Variants in TTC39B observed in about 807,000 individuals in gnomAD.
The protein encoded by TTC39B is tetratricopeptide repeat domain 39B, also known as tetratricopeptide repeat protein 39B.
A neutral mutation model predicts 96.6 loss-of-function variants in TTC39B; 92 were observed. That is an observed-to-expected ratio of 0.95 (90% CI 0.80 to 1.13). The LOEUF (loss-of-function observed/expected upper bound fraction) is 1.13. Among genes scored for constraint, TTC39B ranks in the 50% most tolerant of loss-of-function variants. TTC39B has a pLI of 0.00. For missense variants in TTC39B, 955 were observed against 809.3 expected (o/e 1.18, Z -2.18); for synonymous variants, 367 against 299.4 (o/e 1.23, Z -2.33).
At position 15,258,875 on chromosome 9, in the gene TTC39B, G is replaced by C. The variant is rs1265252577; in HGVS notation, c.275+9039C>G. 3.3e-5 allele frequency among the ~76,000 whole-genome samples: 5 copies of C among 152,106 alleles called. No individual in the cohort carries two copies. The East Asian group carries it at 7.7e-4, about 23-fold the overall frequency. On this transcript the variant is annotated intron_variant, in intron 2 of 19. Coordinates refer to ENST00000512701, the Ensembl canonical transcript of TTC39B. ...GCTTTCCTTCAAGTGATGAAATCTTGTCACTCCTCATAGTGAAAAGCAGCA... is the reference window on the plus strand; with the variant it reads ...GCTTTCCTTCAAGTGATGAAATCTTCTCACTCCTCATAGTGAAAAGCAGCA...
intron 7 of TTC39B, among the ~76,000 whole-genome samples, chr9:15,202,891 T>C (rs189899236): frequency 1.3e-5 from 2 of 152,256 alleles, no homozygotes; most frequent in East Asian, 3.9e-4. Flanking sequence ...ACAGAAGCAT[T>C]GGAAGATACA....
intron 2 of TTC39B, among the ~76,000 whole-genome samples, chr9:15,229,722 T>C (rs968717458): frequency 3.1e-4 from 47 of 152,230 alleles, no homozygotes; most frequent in Non-Finnish European, 8.8e-5. Context: ...TTTCTGGGCA[T>C]TCTTTTGTTC....
intron 19 of TTC39B, among the ~76,000 whole-genome samples, chr9:15,172,704 T>G (rs2118416738): frequency 6.6e-6 from 1 of 152,264 alleles, no homozygotes; most frequent in African/African-American, 2.4e-5. Flanking sequence ...GCATTTATGT[T>G]GACCTCCCTT....
chr9:15,170,992 G>A (rs1588827218), exon 20 of TTC39B: 1 of 152,178 alleles, frequency 6.6e-6, no homozygotes, highest in Non-Finnish European at 1.5e-5. Flanking sequence ...ACAGGGCACA[G>A]TGGACTCCCT....
chr9:15,225,385 A>G (rs1287751410), intron 3 of TTC39B, among the ~76,000 whole-genome samples: 1 of 152,180 alleles, frequency 6.6e-6, no homozygotes, highest in Non-Finnish European at 1.5e-5. Context: ...TACAATGAAC[A>G]CTTCTTAAAA....
intron 2 of TTC39B, chr9:15,249,287 G>A (rs1822424775): frequency 6.6e-6 from 1 of 152,152 alleles, no homozygotes; most frequent in African/African-American, 2.4e-5. Flanking sequence ...TGATTCTGAT[G>A]CACAATTTTA....
chr9:15,216,947 G>A (rs1231279781), intron 3 of TTC39B, among the ~76,000 whole-genome samples: 1 of 152,176 alleles, frequency 6.6e-6, no homozygotes, highest in African/African-American at 2.4e-5. Flanking sequence ...GTGGGAGGCA[G>A]GGGTGAGGAG....
intron 13 of TTC39B, among the ~76,000 whole-genome samples, chr9:15,188,692 T>A (rs539649528): frequency 1.1e-4 from 17 of 151,686 alleles, no homozygotes; most frequent in Middle Eastern, 3.4e-3. Flanking sequence ...TTTTTAGCCA[T>A]CACGTAATGT....
intron 4 of TTC39B, 30 bp downstream of exon 4, chr9:15,214,109 A>AT (rs1820361050): frequency 4.0e-6 from 6 of 1,491,706 alleles, no homozygotes; most frequent in Non-Finnish European, 3.7e-6. Flanking sequence ...TCTGAAAGAT[A>AT]TTTTATCTAA....
At chr9:15,260,877 T>C (rs2131533889) in intron 2 of TTC39B, among the ~76,000 whole-genome samples, 1 of 152,344 alleles carries the variant, frequency 6.6e-6, no homozygotes, top group Non-Finnish European at 1.5e-5. Context: ...GAGCAGTTCT[T>C]GAAAATAGAC....
chr9:15,207,739 A>G lies in TTC39B; in HGVS notation c.691+2349T>C, dbSNP rs967588785. The stretch of plus-strand genomic sequence containing the variant: ...GGTGGCTCACACCTGTAATCCCAGT[A>G]CTTCGGGAGGCTGAGGCGGGCGGAT... On this transcript the variant is annotated intron_variant, in intron 6 of 19. Coordinates refer to ENST00000512701, the Ensembl canonical transcript of TTC39B. Among the ~76,000 whole-genome samples, 8 of 152,130 alleles carry G rather than the reference A, an allele frequency of 5.3e-5. No individual in the cohort carries two copies. The East Asian group carries it at 1.4e-3, about 26-fold the overall frequency.
At chr9:15,275,474 C>T (rs576546146) in intron 1 of TTC39B, among the ~76,000 whole-genome samples, 3 of 152,100 alleles carry the variant, frequency 2.0e-5, no homozygotes, top group Non-Finnish European at 4.4e-5. Context: ...TATGGAGTAA[C>T]GGGCATTTTA....
At chr9:15,229,373 G>A (rs1267345317) in intron 2 of TTC39B, among the ~76,000 whole-genome samples, 1 of 152,156 alleles carries the variant, frequency 6.6e-6, no homozygotes, top group Non-Finnish European at 1.5e-5. Context: ...TAATTCCCTA[G>A]GGAGTATATA....
At position 15,191,352 on chromosome 9, in the gene TTC39B, T is replaced by C. The variant is rs529451372; in HGVS notation, c.931-97A>G. 10 of 776,856 alleles carry C rather than the reference T, an allele frequency of 1.3e-5. No homozygotes were observed. In the South Asian group the frequency reaches 1.5e-4, roughly 12 times the overall value. The allele number at this position is 776,856 out of a possible 1,614,324, so 48.1% of individuals were successfully genotyped here. A position where few individuals can be genotyped will look rare whatever the true frequency, so the allele number is the denominator to read the frequency against. On this transcript the variant is annotated intron_variant, in intron 9 of 19. Transcript: ENST00000512701. ...TTACAGTTTTAATGCTTCAATAACA[T>C]GAGAAATTGGGAACAAGTTTTAACC...
At chr9:15,182,561 T>A in intron 16 of TTC39B, 146 bp from the exon 17 acceptor site, 5 of 509,528 alleles carry the variant, frequency 9.8e-6, no homozygotes, top group Non-Finnish European at 1.7e-5. Flanking sequence ...GCTTTTGCCT[T>A]TTATACTGTG....
At chr9:15,267,726 C>T (rs1823186934) in intron 2 of TTC39B, among the ~76,000 whole-genome samples, 188 bp downstream of exon 2, 1 of 152,138 alleles carries the variant, frequency 6.6e-6, no homozygotes, top group Non-Finnish European at 1.5e-5. Context: ...AGAAATGTAT[C>T]TGAAAGTATT....
intron 1 of TTC39B, among the ~76,000 whole-genome samples, chr9:15,290,829 T>C (rs1824160280): frequency 6.6e-6 from 1 of 152,198 alleles, no homozygotes; most frequent in Non-Finnish European, 1.5e-5. Flanking sequence ...CTCAAAATCG[T>C]CTTTGGAAAA....
Position 15,307,078 on chromosome 9 carries a change from T to A in TTC39B, c.240+6A>T, listed in dbSNP as rs1476490052. The A allele has an allele frequency of 6.2e-7, 1 of 1,609,436 alleles. No individual in the cohort carries two copies. The highest frequency in any genetic ancestry group is 1.3e-5 in the African/African-American group (1 of 74,892). ...GGCCGGGCCCGCAATCCCCATCGGA[T>A]CGTACCTCGTCCGCTTCCAGCTCCG... On this transcript the variant is annotated splice_donor_region_variant and intron_variant, in intron 1 of 19. Transcript: ENST00000512701.
chr9:15,191,050 A>C (rs1816163549), intron 10 of TTC39B, 140 bp downstream of exon 10: 1 of 673,650 alleles, frequency 1.5e-6, no homozygotes, highest in African/African-American at 1.8e-5. Flanking sequence ...ATGATCAAGA[A>C]TCAAAGGCTT....
Sources: gnomAD v4.1 joint callset for allele counts (sites outside exome capture counted in the v4.1 genomes callset) on GRCh38, gnomAD v4.1.1 for gene constraint, MANE v1.5 for transcripts, NCBI Gene and HGNC (gene_info 2026-07-23, HGNC 2026-07-21) for gene names.